SIPA1L2: variants seen among roughly 807,000 people sequenced by gnomAD.
SIPA1L2 encodes signal induced proliferation associated 1 like 2, also known as signal-induced proliferation-associated 1-like protein 2.
A neutral mutation model predicts 163.9 loss-of-function variants in SIPA1L2; 56 were observed. The observed-to-expected ratio is 0.34, with a 90% confidence interval of 0.28 to 0.43. The LOEUF is 0.43. Ranked by LOEUF, SIPA1L2 falls within the 20% of genes least tolerant of loss-of-function variation. The probability of loss-of-function intolerance (pLI) is 1.00; values close to 1 mark genes in which losing one functional copy is unlikely to be tolerated. For missense variants in SIPA1L2, 1,974 were observed against 2,193.5 expected, an observed-to-expected ratio of 0.90 and a Z score of 2.00; for synonymous variants, 877 against 865.7, an observed-to-expected ratio of 1.01 and a Z score of -0.23.
At chr1:232,477,250 G>C (rs762134365) in intron 7 of SIPA1L2, among the ~76,000 whole-genome samples, 1 of 152,068 alleles carries the variant, frequency 6.6e-6, no homozygotes, top group African/African-American at 2.4e-5. Context: ...TAGATCTTTA[G>C]GACTGGAGAC....
chr1:232,462,226 T>C (rs751282324), intron 9 of SIPA1L2: 2 of 1,550,864 alleles, frequency 1.3e-6, no homozygotes, highest in East Asian at 2.4e-5. Context: ...AAGAAAAACA[T>C]GGGCTCATTA....
At chr1:232,433,404 T>C (rs1199187899) in intron 15 of SIPA1L2, among the ~76,000 whole-genome samples, 1 of 152,168 alleles carries the variant, frequency 6.6e-6, no homozygotes, top group Non-Finnish European at 1.5e-5. Context: ...AAAGCCAGGT[T>C]AGTGGCTACC....
intron 6 of SIPA1L2, among the ~76,000 whole-genome samples, chr1:232,480,175 G>C (rs1318528751): frequency 7.2e-6 from 1 of 138,576 alleles, no homozygotes; most frequent in Non-Finnish European, 1.6e-5. Flanking sequence ...GTGTGTGTGT[G>C]TGTGTGTGTG....
intron 7 of SIPA1L2, among the ~76,000 whole-genome samples, chr1:232,478,381 C>A (rs978115875): frequency 6.6e-6 from 1 of 152,116 alleles, no homozygotes; most frequent in South Asian, 2.1e-4. Flanking sequence ...GGGTCAGAGG[C>A]CTGCTTTCTC....
chr1:232,441,264 T>G, intron 14 of SIPA1L2, 27 bp downstream of exon 14: 1 of 1,560,266 alleles, frequency 6.4e-7, no homozygotes, highest in Admixed American at 2.1e-5. Flanking sequence ...GCTAGGCCAG[T>G]GAAGGGCTTA....
intron 10 of SIPA1L2, 118 bp from the exon 11 acceptor site, chr1:232,445,904 A>G (rs112841679): frequency 8.9e-7 from 1 of 1,118,816 alleles, no homozygotes; most frequent in Non-Finnish European, 1.3e-6. Context: ...CCCGGCTCCA[A>G]GTCAATGATG....
In SIPA1L2 at chr1:232,508,345, A is replaced by T. The variant is rs78680701; in HGVS notation, c.1483+5512T>A. ...AAAGTAGGGCACAGAACCGTTTTAG[A>T]ACTCCTGAGTAACCCACTAGGTGCA... On this transcript the variant is annotated intron_variant, in intron 3 of 22. Coordinates refer to ENST00000674635, the MANE Select transcript of SIPA1L2 (RefSeq NM_020808.5). Among the ~76,000 whole-genome samples, 155 of 152,282 alleles carry T rather than the reference A, an allele frequency of 1.0e-3. 1 individual carries two copies. The highest frequency in any genetic ancestry group is 3.6e-3 in the African/African-American group (151 of 41,560).
chr1:232,403,702 C>T, intron 20 of SIPA1L2, 131 bp from the exon 21 acceptor site: 2 of 1,254,670 alleles, frequency 1.6e-6, no homozygotes, highest in Non-Finnish European at 2.2e-6. Context: ...TGTTTTGGAG[C>T]AAAACAAAGA....
intron 2 of SIPA1L2, among the ~76,000 whole-genome samples, chr1:232,534,463 C>T (rs1657182356): frequency 6.6e-6 from 1 of 152,318 alleles, no homozygotes; most frequent in East Asian, 1.9e-4. Flanking sequence ...AAGAACGCTT[C>T]ACCATATAGA....
At chr1:232,558,089 T>C (rs889002841) in intron 2 of SIPA1L2, among the ~76,000 whole-genome samples, 2 of 152,198 alleles carry the variant, frequency 1.3e-5, no homozygotes, top group Non-Finnish European at 2.9e-5. Context: ...CCAGTTGCCA[T>C]AGGCTTTTAT....
At chr1:232,517,937 C>T (rs1667286004) in intron 2 of SIPA1L2, among the ~76,000 whole-genome samples, 1 of 151,766 alleles carries the variant, frequency 6.6e-6, no homozygotes, top group Non-Finnish European at 1.5e-5. Context: ...GTATCGGCTA[C>T]TTGGGAGGCT....
intron 2 of SIPA1L2, among the ~76,000 whole-genome samples, chr1:232,539,552 T>C (rs1255195978): frequency 6.6e-6 from 1 of 151,870 alleles, no homozygotes; most frequent in African/African-American, 2.4e-5. Context: ...CCTCAGAAAT[T>C]TGGTACAGAG....
rs989696669 is a variant in SIPA1L2 at position 232,465,727 on chromosome 1, T to C, written c.2244-311A>G. 2.0e-5 allele frequency among the ~76,000 whole-genome samples: 3 copies of C among 151,828 alleles called. No homozygotes were observed. The highest frequency in any genetic ancestry group is 7.3e-5 in the African/African-American group (3 of 41,322). ...ATCCACACGTTGACAAGATAACCCATAGTTCCTGGGAATGTGACGCAATCT... is the reference window on the plus strand; with the variant it reads ...ATCCACACGTTGACAAGATAACCCACAGTTCCTGGGAATGTGACGCAATCT... On this transcript the variant is annotated intron_variant, in intron 8 of 22. Transcript: ENST00000674635. The surrounding 1 kb of genome is among the most constrained non-coding windows in gnomAD (Gnocchi z 4.1).
chr1:232,478,811 C>T (rs5023385), intron 7 of SIPA1L2, among the ~76,000 whole-genome samples: 38,121 of 151,922 alleles, frequency 0.25, 4,869 homozygotes, highest in Admixed American at 0.35. Flanking sequence ...CAAGCAGTAA[C>T]ATTCTTCAAA....
chr1:232,482,586 G>A (rs1035952927), intron 6 of SIPA1L2, among the ~76,000 whole-genome samples: 3 of 152,200 alleles, frequency 2.0e-5, no homozygotes, highest in African/African-American at 7.2e-5. Context: ...CCTGGCGTGT[G>A]TAGTGGACAA....
In SIPA1L2 at chr1:232,408,993, A is replaced by T. The variant is rs1229980197; in HGVS notation, c.4763-4815T>A. On this transcript the variant is annotated intron_variant, in intron 19 of 22. Transcript: ENST00000674635. ...CTAAAGTTGACTTTTTAAATACCTA[A>T]ATCCAAATGGAATACATAAATTCCT... Among the ~76,000 whole-genome samples the T allele has an allele frequency of 3.3e-5, 5 of 152,278 alleles. No individual in the cohort carries two copies. In the East Asian group the frequency reaches 9.6e-4, roughly 29 times the overall value.
At chr1:232,423,895 C>T (rs940950887) in intron 18 of SIPA1L2, among the ~76,000 whole-genome samples, 5 of 152,184 alleles carry the variant, frequency 3.3e-5, no homozygotes, top group African/African-American at 1.2e-4. Flanking sequence ...AGGCTGCATA[C>T]TGCATGATTC....
rs748477560 is a variant in SIPA1L2 at position 232,513,890 on chromosome 1, C to A, written c.1450G>T (p.Ala484Ser). Residue 484 changes from alanine to serine, a missense_variant, in exon 3 of 23, where the codon GCC becomes TCC. By Grantham distance (99) the Ala-to-Ser change is moderately conservative. This residue lies in a region of SIPA1L2 where 607 missense variants were observed against 624.0 expected (regional missense o/e 0.97). Transcript: ENST00000674635. The part of the protein sequence containing the change: ...RYIIEHIDLG[A>S]YYYRKFFYGK... The stretch of plus-strand genomic sequence containing the variant: ...TAGAAGAATTTGCGGTAATAATAGG[C>A]CCCAAGGTCAATGTGTTCTATGATG... 1 of 1,600,062 alleles carries A rather than the reference C, an allele frequency of 6.2e-7. No homozygotes were observed. The highest frequency in any genetic ancestry group is 8.5e-7 in the Non-Finnish European group (1 of 1,174,906).
At chr1:232,553,469 G>T (rs998962574) in intron 2 of SIPA1L2, among the ~76,000 whole-genome samples, 2 of 152,162 alleles carry the variant, frequency 1.3e-5, no homozygotes, top group Admixed American at 6.5e-5. Flanking sequence ...TCCAGGCTTG[G>T]GGGTGGGGCC....
Sources: gnomAD v4.1 joint callset for allele counts (sites outside exome capture counted in the v4.1 genomes callset) on GRCh38, gnomAD v4.1.1 for gene constraint, gnomAD v4.1.1 regional missense constraint, Gnocchi (gnomAD v3.1) non-coding constraint, MANE v1.5 for transcripts, NCBI Gene and HGNC (gene_info 2026-07-23, HGNC 2026-07-21) for gene names.